The following LDB2 variants were observed in gnomAD, a reference collection of about 807,000 sequenced individuals.
LDB2 encodes LIM domain binding 2, also known as LIM domain-binding protein 2.
Under a neutral mutation model 44.3 loss-of-function variants are expected in LDB2, and 12 were observed. The observed-to-expected ratio is 0.27, with a 90% CI of 0.17 to 0.44. LDB2 has a LOEUF of 0.44. Ranked by LOEUF, LDB2 falls within the 20% of genes least tolerant of loss-of-function variation. LDB2 has a pLI of 1.00. For missense variants in LDB2, 344 were observed against 473.5 expected (o/e 0.73, Z 2.54); for synonymous variants, 164 against 174.8 (o/e 0.94, Z 0.49).
intron 1 of LDB2, among the ~76,000 whole-genome samples, chr4:16,861,956 C>T (rs1239225747): frequency 6.6e-6 from 1 of 152,214 alleles, no homozygotes; most frequent in Admixed American, 6.5e-5. Context: ...GATGCCCCAG[C>T]CCTTGACCTC....
intron 5 of LDB2, among the ~76,000 whole-genome samples, chr4:16,515,175 G>A (rs775914201): frequency 4.6e-5 from 7 of 152,154 alleles, no homozygotes; most frequent in Non-Finnish European, 1.0e-4. Context: ...CTAAGTGACT[G>A]AACACAAAAC....
chr4:16,685,677 A>T (rs967646327), intron 2 of LDB2, among the ~76,000 whole-genome samples: 3 of 152,220 alleles, frequency 2.0e-5, no homozygotes, highest in Non-Finnish European at 4.4e-5. Context: ...AATCTTCTTC[A>T]CTATTATCCT....
chr4:16,672,828 C>CTTCT (rs1553955152), intron 2 of LDB2, among the ~76,000 whole-genome samples: 27,186 of 146,874 alleles, frequency 0.19, 2,663 homozygotes, highest in East Asian at 0.24. Flanking sequence ...GCCTGCCTGC[C>CTTCT]TTCTTTCCTT....
intron 5 of LDB2, among the ~76,000 whole-genome samples, chr4:16,557,751 C>T (rs1471401241): frequency 6.6e-6 from 1 of 152,204 alleles, no homozygotes; most frequent in Non-Finnish European, 1.5e-5. Context: ...TGAGAATGGG[C>T]AGACTGCCTC....
chr4:16,814,728 T>G (rs1780586199), intron 1 of LDB2, among the ~76,000 whole-genome samples: 1 of 152,178 alleles, frequency 6.6e-6, no homozygotes, highest in East Asian at 1.9e-4. Flanking sequence ...GATGAAAAGA[T>G]TATAAGCACC....
Position 16,512,926 on chromosome 4 carries a change from T to C in LDB2, c.616-822A>G, listed in dbSNP as rs192148585. Among the ~76,000 whole-genome samples the C allele has an allele frequency of 1.8e-3, 278 of 152,316 alleles. 4 individuals carry two copies. Among genetic ancestry groups the C allele is most frequent in the Admixed American group, 7.6e-3 (116 of 15,306 alleles). ...TCCGAATTCCTTCTCAATTGGAAGC[T>C]CATCAGAATACCACTGCATTGAGAA... On this transcript the variant is annotated intron_variant, in intron 5 of 7. Transcript: ENST00000304523.
rs370094289 is a variant in LDB2, at chr4:16,836,415, A to C, written c.132+61939T>G. 6.1e-4 allele frequency among the ~76,000 whole-genome samples: 93 copies of C among 152,206 alleles called. 1 individual carries two copies. The highest frequency in any genetic ancestry group is 2.1e-3 in the African/African-American group (87 of 41,456). The stretch of plus-strand genomic sequence containing the variant: ...ACATCTTAGTTACTCCCAGGTGCTC[A>C]GGAAGTCCATAGGTTTCCATTTTCC... On this transcript the variant is annotated intron_variant, in intron 1 of 7. Transcript: ENST00000304523.
intron 2 of LDB2, among the ~76,000 whole-genome samples, chr4:16,636,979 TC>T (rs1733775613): frequency 6.6e-6 from 1 of 152,228 alleles, no homozygotes; most frequent in Non-Finnish European, 1.5e-5. Context: ...CAGATAGGAC[TC>T]CAGTTGGATC....
intron 1 of LDB2, among the ~76,000 whole-genome samples, chr4:16,811,923 TTG>T (rs2109860000): frequency 6.6e-6 from 1 of 152,338 alleles, no homozygotes; most frequent in Non-Finnish European, 1.5e-5. Flanking sequence ...ATTTATAGGA[TTG>T]TGGACATTTT....
In LDB2 at chr4:16,513,866, A is replaced by G. The variant is rs141895039; in HGVS notation, c.616-1762T>C. ...AGGAAGGTCATAGAAACCAGAACCT[A>G]TCCCCGCCAAAGGTAGACATAAAAT... is the stretch of plus-strand genomic sequence containing the variant. On this transcript the variant is annotated intron_variant, in intron 5 of 7. Transcript: ENST00000304523. 1.1e-4 allele frequency among the ~76,000 whole-genome samples: 16 copies of G among 152,332 alleles called. No homozygotes were observed. In the East Asian group the frequency reaches 3.1e-3, roughly 29 times the overall value.
intron 2 of LDB2, among the ~76,000 whole-genome samples, chr4:16,693,172 A>G (rs1465607946): frequency 6.6e-6 from 1 of 152,126 alleles, no homozygotes; most frequent in Non-Finnish European, 1.5e-5. Flanking sequence ...CTCTAAGAAT[A>G]CAGTGTGAAT....
intron 1 of LDB2, among the ~76,000 whole-genome samples, chr4:16,769,975 G>C (rs553571317): frequency 2.6e-5 from 4 of 152,106 alleles, no homozygotes; most frequent in Non-Finnish European, 5.9e-5. Context: ...TCCCCCCAAA[G>C]ACCTGAGAAA....
intron 2 of LDB2, among the ~76,000 whole-genome samples, chr4:16,672,147 G>A (rs1744940278): frequency 6.6e-6 from 1 of 152,146 alleles, no homozygotes; most frequent in Non-Finnish European, 1.5e-5. Flanking sequence ...ACCCTGTGAG[G>A]GAGGTATGAC....
chr4:16,554,857 A>G (rs1738952893), intron 5 of LDB2, among the ~76,000 whole-genome samples: 1 of 152,210 alleles, frequency 6.6e-6, no homozygotes, highest in Non-Finnish European at 1.5e-5. Flanking sequence ...ATGTCATTAT[A>G]AATTTGTCCA....
At chr4:16,559,352 A>G (rs1338599204) in intron 5 of LDB2, among the ~76,000 whole-genome samples, 1 of 152,216 alleles carries the variant, frequency 6.6e-6, no homozygotes, top group African/African-American at 2.4e-5. Flanking sequence ...TGGGCTCAAA[A>G]TAAAAGGATG....
At chr4:16,863,007 G>A (rs1348923131) in intron 1 of LDB2, among the ~76,000 whole-genome samples, 1 of 152,116 alleles carries the variant, frequency 6.6e-6, no homozygotes, top group African/African-American at 2.4e-5. Context: ...TGCTTCCTGG[G>A]CAGCCCGCAT....
At chr4:16,535,461 G>T (rs1169005338) in intron 5 of LDB2, among the ~76,000 whole-genome samples, 1 of 152,184 alleles carries the variant, frequency 6.6e-6, no homozygotes, top group Admixed American at 6.5e-5. Context: ...TCCACATTCT[G>T]TGTGCCAGGT....
chr4:16,873,457 C>T (rs763911440), intron 1 of LDB2, among the ~76,000 whole-genome samples: 1 of 152,040 alleles, frequency 6.6e-6, no homozygotes, highest in Admixed American at 6.5e-5. Flanking sequence ...CTGGGGTTAA[C>T]CTTGACGGTG....
chr4:16,542,125 G>A (rs773966614), intron 5 of LDB2, among the ~76,000 whole-genome samples: 4 of 149,930 alleles, frequency 2.7e-5, no homozygotes, highest in Admixed American at 6.7e-5. Context: ...CGAGCAGGAG[G>A]GCATAAGAAG....
Sources: allele counts gnomAD v4.1 joint callset (sites outside exome capture counted in the v4.1 genomes callset), GRCh38; gene constraint gnomAD v4.1.1; transcripts MANE v1.5; gene names NCBI Gene and HGNC (gene_info 2026-07-23, HGNC 2026-07-21).